RGS7BP: variants seen among roughly 807,000 people sequenced by gnomAD.
The protein encoded by RGS7BP is regulator of G protein signaling 7-binding protein.
Under a neutral mutation model 31.3 loss-of-function variants are expected in RGS7BP, and 9 were observed. That is an observed-to-expected ratio of 0.29 (90% CI 0.17 to 0.50). The LOEUF is 0.50. Ranked by LOEUF, RGS7BP falls within the 20% of genes least tolerant of loss-of-function variation. The pLI is 0.98. For missense variants in RGS7BP, 274 were observed against 322.0 expected, an observed-to-expected ratio of 0.85 and a Z score of 1.14; for synonymous variants, 115 against 120.1, an observed-to-expected ratio of 0.96 and a Z score of 0.28.
At chr5:64,588,597 T>G (rs1379998970) in intron 3 of RGS7BP, among the ~76,000 whole-genome samples, 1 of 152,200 alleles carries the variant, frequency 6.6e-6, no homozygotes, top group African/African-American at 2.4e-5. Context: ...AGTAATAAAC[T>G]ACCTTTGTAT....
At chr5:64,545,911 G>A (rs551954589) in intron 2 of RGS7BP, among the ~76,000 whole-genome samples, 19 of 152,058 alleles carry the variant, frequency 1.2e-4, no homozygotes, top group African/African-American at 3.1e-4. Flanking sequence ...GCTCTGGGCC[G>A]GAAATAAATG....
At chr5:64,542,127 T>C (rs1168866757) in intron 2 of RGS7BP, among the ~76,000 whole-genome samples, 2 of 152,362 alleles carry the variant, frequency 1.3e-5, no homozygotes, top group Admixed American at 1.3e-4. Flanking sequence ...TTATATATAC[T>C]TCGTGTTAAC....
intron 4 of RGS7BP, among the ~76,000 whole-genome samples, chr5:64,597,439 C>T (rs1057448435): frequency 1.3e-5 from 2 of 151,832 alleles, no homozygotes; most frequent in Non-Finnish European, 2.9e-5. Context: ...TCCCATACTG[C>T]GCCCCTTTCT....
At chr5:64,509,530 G>A (rs971112170) in intron 2 of RGS7BP, among the ~76,000 whole-genome samples, 10 of 152,094 alleles carry the variant, frequency 6.6e-5, no homozygotes, top group African/African-American at 2.4e-4. Context: ...TTGACTAAAA[G>A]TTGAGTTTGG....
At chr5:64,588,534 G>C (rs1312731910) in intron 3 of RGS7BP, among the ~76,000 whole-genome samples, 4 of 152,026 alleles carry the variant, frequency 2.6e-5, no homozygotes, top group Non-Finnish European at 4.4e-5. Flanking sequence ...GTGGGAATTA[G>C]GACTCAAAAA....
At chr5:64,568,238 G>T (rs1158564884) in intron 2 of RGS7BP, among the ~76,000 whole-genome samples, 1 of 152,106 alleles carries the variant, frequency 6.6e-6, no homozygotes, top group African/African-American at 2.4e-5. Context: ...GAAGAATTCA[G>T]CACTCAGACT....
intron 2 of RGS7BP, among the ~76,000 whole-genome samples, chr5:64,553,227 C>T (rs1451219811): frequency 1.5e-5 from 2 of 133,242 alleles, no homozygotes; most frequent in East Asian, 4.5e-4. Flanking sequence ...GGCTGGAGTG[C>T]AGTGGCATGA....
At chr5:64,594,560 C>T (rs4700641) in intron 3 of RGS7BP, 150 bp from the exon 4 acceptor site, 575,420 of 704,968 alleles carry the variant, frequency 0.82, 236,536 homozygotes, top group African/African-American at 0.91. Flanking sequence ...CATGTATATA[C>T]CTAATTATTT....
At chr5:64,554,488 A>G (rs564107520) in intron 2 of RGS7BP, among the ~76,000 whole-genome samples, 26 of 152,298 alleles carry the variant, frequency 1.7e-4, no homozygotes, top group Non-Finnish European at 2.6e-4. Context: ...AAAGGGCTAC[A>G]TGCTTAGTGA....
At chr5:64,578,809 T>C (rs925518469) in intron 3 of RGS7BP, among the ~76,000 whole-genome samples, 2 of 152,188 alleles carry the variant, frequency 1.3e-5, no homozygotes, top group Non-Finnish European at 2.9e-5. Context: ...ACCACTGAAA[T>C]AGGCAGTGGT....
intron 2 of RGS7BP, among the ~76,000 whole-genome samples, chr5:64,557,637 C>A (rs1475517369): frequency 6.6e-6 from 1 of 152,112 alleles, no homozygotes; most frequent in Non-Finnish European, 1.5e-5. Flanking sequence ...CTTTGTGTAT[C>A]CCCTGCCTTT....
intron 2 of RGS7BP, among the ~76,000 whole-genome samples, chr5:64,537,561 A>T (rs1429593926): frequency 6.6e-6 from 1 of 152,292 alleles, no homozygotes; most frequent in Non-Finnish European, 1.5e-5. Flanking sequence ...GGGCTCTCTA[A>T]GCTTTACCTC....
At chr5:64,553,574 G>C (rs1055495714) in intron 2 of RGS7BP, among the ~76,000 whole-genome samples, 15 of 150,556 alleles carry the variant, frequency 1.0e-4, no homozygotes, top group Non-Finnish European at 2.1e-4. Flanking sequence ...TAGCATGCTT[G>C]CACCCAATGT....
intron 2 of RGS7BP, among the ~76,000 whole-genome samples, chr5:64,562,616 T>C (rs538532517): frequency 1.3e-5 from 2 of 152,286 alleles, no homozygotes; most frequent in South Asian, 2.1e-4. Flanking sequence ...CACAGTCAAG[T>C]GGACTCTCCT....
chr5:64,575,755 C>T lies in RGS7BP; in HGVS notation c.333-19C>T, dbSNP rs1313352599. The T allele has an allele frequency of 6.3e-7, 1 of 1,593,980 alleles. No individual in the cohort carries two copies. The highest frequency in any genetic ancestry group is 8.5e-7 in the Non-Finnish European group (1 of 1,172,562). Reference sequence around the variant, plus strand: ...AATCTTGAGAATGTTCACAGCTTTTCTCTTTCATTCTGTTGCAGCCCGGAA... The same window carrying T: ...AATCTTGAGAATGTTCACAGCTTTTTTCTTTCATTCTGTTGCAGCCCGGAA... On this transcript the variant is annotated intron_variant, in intron 2 of 5. Transcript: ENST00000334025.
chr5:64,592,246 G>A lies in RGS7BP; in HGVS notation c.464-2464G>A, dbSNP rs557306283. 2.0e-5 allele frequency among the ~76,000 whole-genome samples: 3 copies of A among 152,182 alleles called. No individual in the cohort carries two copies. In the South Asian group the frequency reaches 6.2e-4, roughly 32 times the overall value. On this transcript the variant is annotated intron_variant, in intron 3 of 5. Transcript: ENST00000334025. Reference sequence around the variant, plus strand: ...AAGATACCATATCAAACTTCTGCAGGGATTTTGTGAGCTGACAGAAAGCCC... The same window carrying A: ...AAGATACCATATCAAACTTCTGCAGAGATTTTGTGAGCTGACAGAAAGCCC...
At chr5:64,576,572 A>T in intron 3 of RGS7BP, among the ~76,000 whole-genome samples, 1 of 152,210 alleles carries the variant, frequency 6.6e-6, no homozygotes. Flanking sequence ...TCTAAGAGAG[A>T]GAACTTCTCC....
At chr5:64,582,485 C>T (rs888484830) in intron 3 of RGS7BP, among the ~76,000 whole-genome samples, 32 of 152,282 alleles carry the variant, frequency 2.1e-4, no homozygotes, top group Admixed American at 1.8e-3. Context: ...TCCCCTCTGA[C>T]TCTGCTTGTC....
At position 64,565,675 on chromosome 5, in the gene RGS7BP, G is replaced by A. The variant is rs142544899; in HGVS notation, c.333-10099G>A. 1.5e-3 allele frequency among the ~76,000 whole-genome samples: 223 copies of A among 152,044 alleles called. 1 individual carries two copies. Among genetic ancestry groups the A allele is most frequent in the African/African-American group, 5.2e-3 (216 of 41,476 alleles). On this transcript the variant is annotated intron_variant, in intron 2 of 5. Transcript: ENST00000334025. Reference sequence around the variant, plus strand: ...AGCCACCTTGGAATTGTTTTATTTCGTAGGTACCAGACAACATGTTAAGGG... The same window carrying A: ...AGCCACCTTGGAATTGTTTTATTTCATAGGTACCAGACAACATGTTAAGGG...
Sources: allele counts gnomAD v4.1 joint callset (sites outside exome capture counted in the v4.1 genomes callset), GRCh38; gene constraint gnomAD v4.1.1; transcripts MANE v1.5; gene names NCBI Gene and HGNC (gene_info 2026-07-23, HGNC 2026-07-21).